TRPM1: variants seen among roughly 807,000 people sequenced by gnomAD.
The protein encoded by TRPM1 is transient receptor potential cation channel subfamily M member 1.
A neutral mutation model predicts 149.4 loss-of-function variants in TRPM1; 113 were observed. The ratio of observed to expected loss-of-function variants is 0.76; its 90% confidence interval spans 0.65 to 0.88. The LOEUF (loss-of-function observed/expected upper bound fraction) is 0.88. TRPM1 is among the 40% of genes least tolerant of loss of function. TRPM1 has a pLI of 0.00. For synonymous variants in TRPM1, 741 were observed against 759.5 expected (o/e 0.98, Z 0.40); for missense variants, 1,976 against 2,038.7 (o/e 0.97, Z 0.59).
intron 21 of TRPM1, among the ~76,000 whole-genome samples, chr15:31,033,757 T>G (rs2033207087): frequency 6.6e-6 from 1 of 152,060 alleles, no homozygotes; most frequent in Non-Finnish European, 1.5e-5. Flanking sequence ...GTTTCTGGAA[T>G]AAAGAACAGT....
At chr15:31,157,796 G>A (rs1479045241) in intron 1 of TRPM1, among the ~76,000 whole-genome samples, 1 of 152,298 alleles carries the variant, frequency 6.6e-6, no homozygotes, top group African/African-American at 2.4e-5. Context: ...GGCCAGCCAA[G>A]GACAAAGGGT....
intron 9 of TRPM1, among the ~76,000 whole-genome samples, chr15:31,062,219 G>A (rs764913937): frequency 3.9e-5 from 6 of 152,180 alleles, no homozygotes; most frequent in Non-Finnish European, 5.9e-5. Flanking sequence ...TAAATGGAAC[G>A]GAAGAGGGAA....
In TRPM1 at chr15:31,062,611, T is replaced by C; in HGVS notation, c.1057A>G (p.Ile353Val). Residue 353 changes from isoleucine to valine, a missense_variant, in exon 9 of 28, where the codon ATT (isoleucine) becomes GTT (valine). By Grantham distance (29) the Ile-to-Val change is conservative. Coordinates refer to ENST00000256552, the MANE Select transcript of TRPM1 (RefSeq NM_001252024.2). ...NKAQSHQLFA[I>V]IMECMKKKEL... ...TTCTTCTTCATGCACTCCATTATAA[T>C]TGCAAACAGCTGATGTGATTGTGCC... The C allele has an allele frequency of 6.2e-7, 1 of 1,614,200 alleles. No homozygotes were observed. The highest frequency in any genetic ancestry group is 8.5e-7 in the Non-Finnish European group (1 of 1,180,032).
At chr15:31,091,666 A>G (rs1345671568) in intron 1 of TRPM1, among the ~76,000 whole-genome samples, 2 of 152,080 alleles carry the variant, frequency 1.3e-5, no homozygotes, top group Admixed American at 1.3e-4. Context: ...GAACCCCCCA[A>G]AGAGGTTCAC....
At chr15:31,134,451 C>G (rs1230823799) in intron 1 of TRPM1, among the ~76,000 whole-genome samples, 1 of 152,142 alleles carries the variant, frequency 6.6e-6, no homozygotes, top group Non-Finnish European at 1.5e-5. Context: ...AAATTTAAAT[C>G]TATAAAGGAA....
intron 27 of TRPM1, among the ~76,000 whole-genome samples, chr15:31,013,610 T>C (rs1418971383): frequency 6.6e-6 from 1 of 152,214 alleles, no homozygotes; most frequent in Non-Finnish European, 1.5e-5. Flanking sequence ...TTGCATGTTT[T>C]GTCATTTTTA....
chr15:31,060,674 T>C, intron 10 of TRPM1, 30 bp from the exon 11 acceptor site: 1 of 1,591,698 alleles, frequency 6.3e-7, no homozygotes, highest in Non-Finnish European at 8.6e-7. Context: ...GAATGATTTT[T>C]CACTCCACGC....
intron 1 of TRPM1, among the ~76,000 whole-genome samples, chr15:31,085,658 C>A (rs2034979899): frequency 2.0e-5 from 3 of 152,194 alleles, no homozygotes; most frequent in Non-Finnish European, 4.4e-5. Context: ...TGCCAGGCCA[C>A]CCTCATCACA....
At chr15:31,143,706 C>T (rs2036187632) in intron 1 of TRPM1, among the ~76,000 whole-genome samples, 2 of 152,094 alleles carry the variant, frequency 1.3e-5, no homozygotes, top group African/African-American at 4.8e-5. Flanking sequence ...AGTCATTGTG[C>T]CCAGCCTGTC....
intron 1 of TRPM1, among the ~76,000 whole-genome samples, chr15:31,114,852 A>T (rs2035775489): frequency 6.6e-6 from 1 of 152,256 alleles, no homozygotes; most frequent in African/African-American, 2.4e-5. Context: ...TCACAAATAA[A>T]AGCATAGCAC....
chr15:31,125,572 T>G (rs1341703518), intron 1 of TRPM1, among the ~76,000 whole-genome samples: 2 of 146,304 alleles, frequency 1.4e-5, no homozygotes, highest in South Asian at 2.2e-4. Context: ...CTACTAAAAA[T>G]ACAAAAAATT....
rs2034822704 is a variant in TRPM1, at chr15:31,080,395, C to T, written c.3+958G>A. Among the ~76,000 whole-genome samples, 3 of 152,118 alleles carry T rather than the reference C, an allele frequency of 2.0e-5. No homozygotes were observed. In the South Asian group the frequency reaches 6.2e-4, roughly 32 times the overall value. On this transcript the variant is annotated intron_variant, in intron 2 of 27. Transcript: ENST00000256552. ...CATGGAACAAATATTTATTATGAGG[C>T]TCTGGATAAAACGCACCAAGAGGAA...
intron 3 of TRPM1, 38 bp from the exon 4 acceptor site, chr15:31,070,264 T>A (rs2034503182): frequency 8.8e-6 from 14 of 1,589,376 alleles, no homozygotes; most frequent in Non-Finnish European, 1.2e-5. Context: ...TCTACAACAA[T>A]CTCCCCCTTT....
At chr15:31,027,202 T>TAA in intron 25 of TRPM1, 85 bp from the exon 26 acceptor site, 1 of 1,286,564 alleles carries the variant, frequency 7.8e-7, no homozygotes, top group East Asian at 2.4e-5. Context: ...CACATTTAAG[T>TAA]GAAAATACTC....
At chr15:31,077,614 G>A (rs1461492363) in intron 2 of TRPM1, among the ~76,000 whole-genome samples, 2 of 152,136 alleles carry the variant, frequency 1.3e-5, no homozygotes, top group Non-Finnish European at 2.9e-5. Context: ...AGGCTGTGGG[G>A]CAGGGGCCTC....
At position 31,049,512 on chromosome 15, in the gene TRPM1, G is replaced by A. The variant is rs1358396250; in HGVS notation, c.1438-3C>T. 6.2e-7 allele frequency: 1 copy of A among 1,613,724 alleles called. No individual in the cohort carries two copies. Among genetic ancestry groups the A allele is most frequent in the East Asian group, 2.2e-5 (1 of 44,892 alleles). ...ATCGCTTGCTCCAAAGCATTCACCT[G>A]CAGGGACCAAGGGCCGGGAGCCTGT... is the stretch of plus-strand genomic sequence containing the variant. On this transcript the variant is annotated splice_region_variant and splice_polypyrimidine_tract_variant and intron_variant, in intron 12 of 27. Transcript: ENST00000256552.
rs551513897 is a variant in TRPM1 at position 31,149,812 on chromosome 15, C to T, written c.54+11094G>A. Among the ~76,000 whole-genome samples, 36 of 152,370 alleles carry T rather than the reference C, an allele frequency of 2.4e-4. No individual in the cohort carries two copies. In the South Asian group the frequency reaches 7.2e-3, roughly 31 times the overall value. The stretch of plus-strand genomic sequence containing the variant: ...GGGATTACAGGCGTGAGCCACGGCG[C>T]CAGGCCGTGCATCTTTAAAATCCCT... On this transcript the variant is annotated intron_variant, in intron 1 of 26. Coordinates refer to the TRPM1 transcript ENST00000542188.
At chr15:31,019,816 T>C (rs2032495221) in intron 27 of TRPM1, among the ~76,000 whole-genome samples, 1 of 151,972 alleles carries the variant, frequency 6.6e-6, no homozygotes, top group African/African-American at 2.4e-5. Flanking sequence ...TACAGGCCTT[T>C]CGCTGCCACA....
intron 11 of TRPM1, among the ~76,000 whole-genome samples, chr15:31,053,417 A>ATTTT (rs376760976): frequency 5.7e-5 from 8 of 140,364 alleles, no homozygotes; most frequent in African/African-American, 8.0e-5. Context: ...CTCCCGGCTC[A>ATTTT]TTTTTTTTTT....
Sources: gnomAD v4.1 joint callset for allele counts (sites outside exome capture counted in the v4.1 genomes callset) on GRCh38, gnomAD v4.1.1 for gene constraint, MANE v1.5 for transcripts, NCBI Gene and HGNC (gene_info 2026-07-23, HGNC 2026-07-21) for gene names.